The following GRK5 variants were observed in gnomAD, a reference collection of about 807,000 sequenced individuals.
The protein encoded by GRK5 is g protein-coupled receptor kinase GRK5.
GRK5 carries 40 observed loss-of-function variants against 78.4 expected under a neutral mutation model. That is an observed-to-expected ratio of 0.51 (90% CI 0.40 to 0.66). The LOEUF (loss-of-function observed/expected upper bound fraction) is 0.66. Among genes scored for constraint, GRK5 ranks in the 30% least tolerant of loss-of-function variants. The probability of loss-of-function intolerance (pLI) is 0.00; values close to 1 mark genes in which losing one functional copy is unlikely to be tolerated. For synonymous variants in GRK5, 289 were observed against 296.8 expected, an observed-to-expected ratio of 0.97 and a Z score of 0.27; for missense variants, 598 against 759.9, an observed-to-expected ratio of 0.79 and a Z score of 2.50.
At chr10:119,394,918 T>C (rs1438169303) in intron 3 of GRK5, among the ~76,000 whole-genome samples, 1 of 145,450 alleles carries the variant, frequency 6.9e-6, no homozygotes, top group East Asian at 2.5e-4. Flanking sequence ...CAGGAAAAAG[T>C]CAAGAAGAAA....
intron 4 of GRK5, among the ~76,000 whole-genome samples, chr10:119,400,378 T>G (rs1340849849): frequency 6.6e-6 from 1 of 152,034 alleles, no homozygotes; most frequent in Admixed American, 6.6e-5. Context: ...CCTTCATGGG[T>G]GCAGTGCAGT....
At chr10:119,209,274 C>T (rs2133692267) in intron 1 of GRK5, among the ~76,000 whole-genome samples, 1 of 152,252 alleles carries the variant, frequency 6.6e-6, no homozygotes, top group South Asian at 2.1e-4. Flanking sequence ...GTCTTACTTT[C>T]GTCGTCACTT....
intron 1 of GRK5, among the ~76,000 whole-genome samples, chr10:119,301,285 C>G (rs1850177594): frequency 1.3e-5 from 2 of 152,180 alleles, no homozygotes; most frequent in African/African-American, 4.8e-5. Flanking sequence ...ATGGGTTAGT[C>G]TTGCCTGCCT....
chr10:119,275,861 G>A (rs1186808623), intron 1 of GRK5, among the ~76,000 whole-genome samples: 1 of 152,182 alleles, frequency 6.6e-6, no homozygotes, highest in African/African-American at 2.4e-5. Flanking sequence ...TTCAACATCA[G>A]TGAGGAAAGG....
intron 1 of GRK5, among the ~76,000 whole-genome samples, chr10:119,246,866 G>T (rs1178201350): frequency 6.6e-6 from 1 of 152,208 alleles, no homozygotes; most frequent in African/African-American, 2.4e-5. Flanking sequence ...CACCTGAGAA[G>T]GGCTGGTCTC....
intron 1 of GRK5, among the ~76,000 whole-genome samples, chr10:119,289,567 G>A (rs4752275): frequency 0.69 from 104,816 of 152,028 alleles, 36,593 homozygotes; most frequent in East Asian, 0.88. Context: ...GGCCCAGAGA[G>A]GGTTGGTGAC....
At chr10:119,236,137 AG>A (rs1226659369) in intron 1 of GRK5, among the ~76,000 whole-genome samples, 1 of 152,120 alleles carries the variant, frequency 6.6e-6, no homozygotes, top group Non-Finnish European at 1.5e-5. Context: ...GCACTTTGGG[AG>A]GCCGAGGCAG....
At chr10:119,390,595 T>C (rs1323969668) in intron 3 of GRK5, among the ~76,000 whole-genome samples, 1 of 152,158 alleles carries the variant, frequency 6.6e-6, no homozygotes, top group Non-Finnish European at 1.5e-5. Flanking sequence ...CTTGGGAGGC[T>C]GAGACAGGAG....
chr10:119,303,947 A>C (rs1002936056), intron 1 of GRK5, among the ~76,000 whole-genome samples: 2 of 152,128 alleles, frequency 1.3e-5, no homozygotes, highest in African/African-American at 4.8e-5. Context: ...AGCCAGACTC[A>C]GGGTCCTTGC....
chr10:119,365,960 C>G (rs1293286916), intron 2 of GRK5, among the ~76,000 whole-genome samples: 2 of 152,186 alleles, frequency 1.3e-5, no homozygotes, highest in African/African-American at 4.8e-5. Context: ...ATTCACTGGT[C>G]AAACGTTATT....
At chr10:119,234,966 C>T (rs578065545) in intron 1 of GRK5, among the ~76,000 whole-genome samples, 48 of 151,704 alleles carry the variant, frequency 3.2e-4, no homozygotes, top group Non-Finnish European at 5.7e-4. Context: ...TGAGCTACCA[C>T]GCCCGGCCTA....
intron 4 of GRK5, among the ~76,000 whole-genome samples, chr10:119,404,354 A>G (rs1852199824): frequency 6.6e-6 from 1 of 152,112 alleles, no homozygotes; most frequent in Non-Finnish European, 1.5e-5. Context: ...TCATTTTTGA[A>G]TTGGGTTGTT....
intron 1 of GRK5, among the ~76,000 whole-genome samples, chr10:119,274,384 G>A (rs927832300): frequency 1.3e-5 from 2 of 152,234 alleles, no homozygotes; most frequent in African/African-American, 4.8e-5. Flanking sequence ...TGTAGGAAAA[G>A]CGCACTGGCG....
intron 1 of GRK5, chr10:119,213,131 A>T (rs1464400850): frequency 6.6e-6 from 1 of 152,282 alleles, no homozygotes; most frequent in Non-Finnish European, 1.5e-5. Context: ...TGGGCAACAC[A>T]CAAGACCCTG....
chr10:119,292,136 CCTT>C (rs1303144205), intron 1 of GRK5, among the ~76,000 whole-genome samples: 10 of 8,978 alleles, frequency 1.1e-3, no homozygotes, highest in Admixed American at 1.9e-3. Flanking sequence ...TCATCTTCCT[CCTT>C]CTCCTCCTCT....
chr10:119,318,676 C>A (rs573437006), intron 1 of GRK5, among the ~76,000 whole-genome samples: 88 of 152,268 alleles, frequency 5.8e-4, no homozygotes, highest in Middle Eastern at 3.4e-3. Flanking sequence ...TGGGCTGACA[C>A]TGCCACAGGG....
chr10:119,326,457 T>C (rs534817780), intron 1 of GRK5, 59 bp from the exon 2 acceptor site: 1 of 1,437,930 alleles, frequency 7.0e-7, no homozygotes, highest in East Asian at 2.3e-5. Flanking sequence ...GCAGGCTCAC[T>C]GCGGGGACGC....
intron 1 of GRK5, among the ~76,000 whole-genome samples, chr10:119,281,742 C>T (rs1849767200): frequency 6.6e-6 from 1 of 152,214 alleles, no homozygotes; most frequent in Non-Finnish European, 1.5e-5. Context: ...CTGCCATCCC[C>T]GAGCCAGGCC....
intron 1 of GRK5, among the ~76,000 whole-genome samples, chr10:119,287,345 A>AAAG (rs1849869980): frequency 7.9e-4 from 1 of 1,270 alleles, no homozygotes; most frequent in Non-Finnish European, 1.9e-3. Flanking sequence ...AGAGAGGAGG[A>AAAG]AGGGAAGGAG....
Sources: allele counts gnomAD v4.1 joint callset (sites outside exome capture counted in the v4.1 genomes callset), GRCh38; gene constraint gnomAD v4.1.1; transcripts MANE v1.5; gene names NCBI Gene and HGNC (gene_info 2026-07-23, HGNC 2026-07-21).